The following CACNA1C variants were observed in gnomAD, a reference collection of about 807,000 sequenced individuals.
The protein encoded by CACNA1C is voltage-dependent L-type calcium channel subunit alpha-1C.
In CACNA1C, 30 loss-of-function variants were observed where a neutral mutation model predicts 229.0. That is an observed-to-expected ratio of 0.13 (90% CI 0.10 to 0.18). The LOEUF is 0.18. Among genes scored for constraint, CACNA1C ranks in the 10% least tolerant of loss-of-function variants. The pLI, the probability that CACNA1C is intolerant of heterozygous loss-of-function variation, is 1.00. For synonymous variants in CACNA1C, 1,114 were observed against 1,132.5 expected, an observed-to-expected ratio of 0.98 and a Z score of 0.33; for missense variants, 1,658 against 2,845.0, an observed-to-expected ratio of 0.58 and a Z score of 9.49.
rs1424336853 is a variant in CACNA1C at position 2,665,343 on chromosome 12, A to G, written c.4399-238A>G. ...CCCTCTGTCCTGCACAGCCCTGCCCAGCAGCTCGGTAGGAGGGAAGCTGTC... is the reference window on the plus strand; with the variant it reads ...CCCTCTGTCCTGCACAGCCCTGCCCGGCAGCTCGGTAGGAGGGAAGCTGTC... On this transcript the variant is annotated intron_variant, in intron 35 of 46. Transcript: ENST00000399655. This position sits in a 1 kb window ranked among gnomAD's most constrained non-coding sequence, Gnocchi z 5.9. Among the ~76,000 whole-genome samples the G allele has an allele frequency of 6.6e-6, 1 of 152,222 alleles. No homozygotes were observed. The highest frequency in any genetic ancestry group is 1.9e-4 in the East Asian group (1 of 5,192).
intron 1 of CACNA1C, among the ~76,000 whole-genome samples, chr12:2,115,002 G>A (rs371164608): frequency 1.3e-5 from 2 of 152,202 alleles, no homozygotes; most frequent in Non-Finnish European, 2.9e-5. Flanking sequence ...AGACTAGAGC[G>A]GAGTGACACG....
At chr12:2,069,121 G>A (rs1341277605) in intron 1 of CACNA1C, among the ~76,000 whole-genome samples, 1 of 152,222 alleles carries the variant, frequency 6.6e-6, no homozygotes, top group East Asian at 1.9e-4. Context: ...GCCATGGAAT[G>A]GGCTGGTATC....
intron 46 of CACNA1C, 133 bp downstream of exon 46, chr12:2,688,912 C>A: frequency 1.3e-6 from 1 of 748,560 alleles, no homozygotes; most frequent in Non-Finnish European, 2.1e-6. Context: ...AAGACCCTCC[C>A]TCTCAGGGCT....
At chr12:2,341,477 C>A (rs1342462933) in intron 3 of CACNA1C, among the ~76,000 whole-genome samples, 7 of 145,224 alleles carry the variant, frequency 4.8e-5, no homozygotes, top group Admixed American at 4.6e-4. Context: ...GCTGTGGAAT[C>A]CCCACTCTGG....
chr12:2,164,849 C>T (rs1312995541), intron 3 of CACNA1C, among the ~76,000 whole-genome samples: 1 of 152,286 alleles, frequency 6.6e-6, no homozygotes, highest in South Asian at 2.1e-4. Flanking sequence ...ACAGGTATGG[C>T]GCACACACAG....
At position 2,004,407 on chromosome 12, in the gene CACNA1C, G is replaced by A. The variant is rs150430683; in HGVS notation, c.139+33206G>A. On this transcript the variant is annotated intron_variant, in intron 1 of 46. Coordinates refer to the CACNA1C transcript ENST00000682462. ...CTGATGTCGCGCCCCTTTCCCACCA[G>A]GCCGCCTGCCGCCACGGCTGCCATC... is the stretch of plus-strand genomic sequence containing the variant. 659 of 1,611,354 alleles carry A rather than the reference G, an allele frequency of 4.1e-4. 1 individual carries two copies. The African/African-American group carries it at 7.7e-3, about 19-fold the overall frequency.
At chr12:2,194,204 C>A (rs1315946822) in intron 3 of CACNA1C, among the ~76,000 whole-genome samples, 1 of 147,544 alleles carries the variant, frequency 6.8e-6, no homozygotes, top group African/African-American at 2.5e-5. Context: ...CCTGCTCCCC[C>A]CTGTGTTCCT....
At chr12:2,175,113 A>C (rs894927746) in intron 3 of CACNA1C, among the ~76,000 whole-genome samples, 1 of 152,232 alleles carries the variant, frequency 6.6e-6, no homozygotes, top group African/African-American at 2.4e-5. Context: ...ATTTAAAAAA[A>C]TATATATCAC....
chr12:2,569,048 G>A (rs1294631983), intron 13 of CACNA1C, among the ~76,000 whole-genome samples: 4 of 152,154 alleles, frequency 2.6e-5, no homozygotes, highest in Non-Finnish European at 5.9e-5. Flanking sequence ...ATGCGTTCAA[G>A]ATCTAGCCAC....
At chr12:2,165,895 G>A (rs1169456508) in intron 3 of CACNA1C, among the ~76,000 whole-genome samples, 5 of 152,150 alleles carry the variant, frequency 3.3e-5, no homozygotes, top group African/African-American at 4.8e-5. Flanking sequence ...GACTCTCAGA[G>A]TCAGAAAGAA....
chr12:2,423,594 G>T lies in CACNA1C; in HGVS notation c.478-25382G>T, dbSNP rs183598520. 1.8e-4 allele frequency among the ~76,000 whole-genome samples: 28 copies of T among 152,302 alleles called. No individual in the cohort carries two copies. In the East Asian group the frequency reaches 4.8e-3, roughly 26 times the overall value. On this transcript the variant is annotated intron_variant, in intron 3 of 46. Coordinates refer to ENST00000399655, the MANE Select transcript of CACNA1C (RefSeq NM_000719.7). ...TGAGTTGATAGAGTGAGTGGTAGAG[G>T]TGGTGGAGGTAGCAATTAACAGCAG...
At chr12:2,031,516 A>G (rs1421248346) in intron 1 of CACNA1C, among the ~76,000 whole-genome samples, 1 of 152,192 alleles carries the variant, frequency 6.6e-6, no homozygotes, top group African/African-American at 2.4e-5. Flanking sequence ...TGAACAAAAG[A>G]GGATTGGATA....
At position 2,287,051 on chromosome 12, in the gene CACNA1C, C is replaced by G. The variant is rs1319776061; in HGVS notation, c.478-161925C>G. Among the ~76,000 whole-genome samples the G allele has an allele frequency of 6.6e-6, 1 of 152,222 alleles. No individual in the cohort carries two copies. Among genetic ancestry groups the G allele is most frequent in the Non-Finnish European group, 1.5e-5 (1 of 68,048 alleles). ...TGTGTGCCTTGTCTGGCTGACTGTC[C>G]CAATTACCCCGGGCCCAGAGGTGGG... On this transcript the variant is annotated intron_variant, in intron 3 of 46. Coordinates refer to ENST00000399655, the MANE Select transcript of CACNA1C (RefSeq NM_000719.7). This position sits in a 1 kb window ranked among gnomAD's most constrained non-coding sequence, Gnocchi z 4.6.
chr12:2,112,108 G>A (rs141852181), intron 1 of CACNA1C, among the ~76,000 whole-genome samples: 136 of 152,320 alleles, frequency 8.9e-4, no homozygotes, highest in African/African-American at 3.0e-3. Flanking sequence ...GCAGCTCACC[G>A]TGAGCCCTGT....
At chr12:2,269,289 C>T (rs1301167911) in intron 3 of CACNA1C, among the ~76,000 whole-genome samples, 1 of 152,146 alleles carries the variant, frequency 6.6e-6, no homozygotes, top group Non-Finnish European at 1.5e-5. Flanking sequence ...AAAGAAATCA[C>T]CTAGGTTAAA....
At chr12:2,408,494 C>CT (rs61026675) in intron 3 of CACNA1C, among the ~76,000 whole-genome samples, 15,786 of 137,600 alleles carry the variant, frequency 0.11, 923 homozygotes, top group East Asian at 0.16. Flanking sequence ...CTAATTGGGG[C>CT]TTTTTTTTTT....
intron 29 of CACNA1C, among the ~76,000 whole-genome samples, chr12:2,625,366 CTG>C (rs1418590463): frequency 6.6e-6 from 1 of 152,198 alleles, no homozygotes; most frequent in African/African-American, 2.4e-5. Flanking sequence ...GGGAAGGAAA[CTG>C]GAACACACCG....
At chr12:2,524,063 C>T (rs1568214221) in intron 9 of CACNA1C, among the ~76,000 whole-genome samples, 1 of 152,158 alleles carries the variant, frequency 6.6e-6, no homozygotes, top group South Asian at 2.1e-4. Context: ...AGATTAGCCA[C>T]GTATTGTATT....
intron 1 of CACNA1C, among the ~76,000 whole-genome samples, chr12:2,114,597 T>A (rs1236177921): frequency 6.6e-6 from 1 of 152,232 alleles, no homozygotes; most frequent in Non-Finnish European, 1.5e-5. Flanking sequence ...CCCAGATGGC[T>A]TTGAGGTAGC....
Sources: gnomAD v4.1 joint callset for allele counts (sites outside exome capture counted in the v4.1 genomes callset) on GRCh38, gnomAD v4.1.1 for gene constraint, Gnocchi (gnomAD v3.1) non-coding constraint, MANE v1.5 for transcripts, NCBI Gene and HGNC (gene_info 2026-07-23, HGNC 2026-07-21) for gene names.